RNF145: variants seen among roughly 807,000 people sequenced by gnomAD.
RNF145 encodes the protein ring finger protein 145.
A neutral mutation model predicts 57.3 loss-of-function variants in RNF145; 12 were observed. That is an observed-to-expected ratio of 0.21 (90% CI 0.13 to 0.34). The LOEUF is 0.34. Ranked by LOEUF, RNF145 falls within the 10% of genes least tolerant of loss-of-function variation. The probability of loss-of-function intolerance (pLI) is 1.00; values close to 1 mark genes in which losing one functional copy is unlikely to be tolerated. For missense variants in RNF145, 429 were observed against 799.0 expected, an observed-to-expected ratio of 0.54 and a Z score of 5.58; for synonymous variants, 262 against 288.3, an observed-to-expected ratio of 0.91 and a Z score of 0.92.
chr5:159,199,956 G>A (rs1018436569), intron 2 of RNF145, among the ~76,000 whole-genome samples: 4 of 151,914 alleles, frequency 2.6e-5, no homozygotes, highest in African/African-American at 9.7e-5. Context: ...TAATTTTTAA[G>A]CTCCTTAATT....
intron 1 of RNF145, 143 bp from the exon 2 acceptor site, chr5:159,203,799 T>G: frequency 3.3e-6 from 2 of 608,184 alleles, no homozygotes; most frequent in Non-Finnish European, 5.8e-6. Flanking sequence ...CAACTACTAT[T>G]TTTAGATATT....
intron 3 of RNF145, among the ~76,000 whole-genome samples, chr5:159,185,686 G>C (rs1205337255): frequency 1.3e-5 from 2 of 152,164 alleles, no homozygotes; most frequent in African/African-American, 2.4e-5. Context: ...TTCAAGAGAA[G>C]CATTACAATT....
At chr5:159,196,744 T>C (rs1364148208) in intron 2 of RNF145, among the ~76,000 whole-genome samples, 1 of 152,234 alleles carries the variant, frequency 6.6e-6, no homozygotes, top group East Asian at 1.9e-4. Flanking sequence ...CAAATGACTT[T>C]AGAGGTATTT....
intron 3 of RNF145, among the ~76,000 whole-genome samples, chr5:159,188,902 T>C (rs78505501): frequency 1.8e-3 from 276 of 152,320 alleles, no homozygotes; most frequent in African/African-American, 6.4e-3. Context: ...TATTTGCAAA[T>C]GTCTTTTTCT....
intron 6 of RNF145, among the ~76,000 whole-genome samples, chr5:159,173,721 A>G (rs1289517018): frequency 6.6e-6 from 1 of 152,172 alleles, no homozygotes; most frequent in Non-Finnish European, 1.5e-5. Context: ...AATTGAAAAA[A>G]TACTTTTACG....
intron 3 of RNF145, among the ~76,000 whole-genome samples, chr5:159,187,347 TGA>T (rs1358122590): frequency 6.6e-6 from 1 of 151,834 alleles, no homozygotes; most frequent in East Asian, 1.9e-4. Flanking sequence ...AATTTTTTTT[TGA>T]GATAGTCTCA....
At chr5:159,164,824 T>A (rs1784340867) in intron 8 of RNF145, among the ~76,000 whole-genome samples, 1 of 152,194 alleles carries the variant, frequency 6.6e-6, no homozygotes, top group Non-Finnish European at 1.5e-5. Context: ...AATAACCAAT[T>A]ATTTCTATGG....
upstream of RNF145, chr5:159,209,856 C>T (rs1356459237): frequency 1.3e-6 from 2 of 1,535,930 alleles, no homozygotes; most frequent in African/African-American, 2.7e-5. Context: ...CACTCACCTG[C>T]AGGGACCACG....
In RNF145 at chr5:159,209,466, C is replaced by G. The variant is rs1457837131; in HGVS notation, c.-275G>C. 1.0e-6 allele frequency: 1 copy of G among 982,284 alleles called. No homozygotes were observed. Among genetic ancestry groups the G allele is most frequent in the Non-Finnish European group, 1.2e-6 (1 of 827,038 alleles). 60.8% of individuals were successfully genotyped at this position (982,284 alleles called of 1,614,324 possible). On this transcript the variant is annotated 5_prime_UTR_variant, in exon 1 of 11. Coordinates refer to ENST00000424310, the MANE Select transcript of RNF145 (RefSeq NM_001199383.2). ...GGTCACCATCGTCCGCGGCAGCAGG[C>G]GCTCGCGGGCCGAGCCCCTTAGCAG...
intron 1 of RNF145, among the ~76,000 whole-genome samples, chr5:159,205,426 A>G (rs186975876): frequency 6.6e-6 from 1 of 152,288 alleles, no homozygotes; most frequent in East Asian, 1.9e-4. Context: ...TGATATTATT[A>G]TTTTTTCTAA....
At chr5:159,189,873 G>T (rs1226127172) in intron 3 of RNF145, among the ~76,000 whole-genome samples, 1 of 152,216 alleles carries the variant, frequency 6.6e-6, no homozygotes, top group Non-Finnish European at 1.5e-5. Flanking sequence ...AAAAAGACAG[G>T]TGATAGACTG....
chr5:159,158,227 G>A lies in RNF145; in HGVS notation c.*443C>T, dbSNP rs939584936. ...GGAGGAGAGGGCTGGTTGCTATTCA[G>A]ACTTGATAATGAGATTGATCTGTCC... On this transcript the variant is annotated 3_prime_UTR_variant, in exon 11 of 11. Coordinates refer to ENST00000424310, the MANE Select transcript of RNF145 (RefSeq NM_001199383.2). 20 of 169,368 alleles carry A rather than the reference G, an allele frequency of 1.2e-4. No homozygotes were observed. The highest frequency in any genetic ancestry group is 1.7e-4 in the Non-Finnish European group (13 of 77,068). 10.5% of individuals were successfully genotyped at this position (169,368 alleles called of 1,614,324 possible).
chr5:159,175,400 A>T (rs1349512388), intron 5 of RNF145, among the ~76,000 whole-genome samples: 1 of 152,158 alleles, frequency 6.6e-6, no homozygotes. Context: ...TAGTTGATGT[A>T]TGAATCTTAT....
intron 2 of RNF145, among the ~76,000 whole-genome samples, chr5:159,198,899 G>A (rs1238411035): frequency 6.6e-6 from 1 of 152,020 alleles, no homozygotes; most frequent in African/African-American, 2.4e-5. Context: ...GGTTACTTGA[G>A]CCCAGGAGTC....
intron 8 of RNF145, among the ~76,000 whole-genome samples, chr5:159,165,715 A>T: frequency 1.4e-5 from 2 of 142,256 alleles, no homozygotes; most frequent in African/African-American, 2.5e-5. Flanking sequence ...AAAAAAAAAA[A>T]AAAAAAAAAA....
At chr5:159,204,813 A>AG (rs1404058816) in intron 1 of RNF145, among the ~76,000 whole-genome samples, 1 of 145,838 alleles carries the variant, frequency 6.9e-6, no homozygotes, top group East Asian at 2.0e-4. Context: ...CAAAAAAAAA[A>AG]AAAAAAAAAA....
intron 3 of RNF145, among the ~76,000 whole-genome samples, chr5:159,194,458 G>A (rs909154277): frequency 6.6e-6 from 1 of 152,144 alleles, no homozygotes; most frequent in Admixed American, 6.5e-5. Flanking sequence ...GAGCCACCAC[G>A]CCCAGCCAGT....
chr5:159,177,586 TA>T (rs1382698717), intron 4 of RNF145, among the ~76,000 whole-genome samples: 1 of 152,084 alleles, frequency 6.6e-6, no homozygotes, highest in African/African-American at 2.4e-5. Context: ...TCCATAATTA[TA>T]AAATGCTTTG....
chr5:159,169,621 C>T (rs1784484904), intron 7 of RNF145, 58 bp downstream of exon 7: 4 of 1,354,232 alleles, frequency 3.0e-6, no homozygotes, highest in East Asian at 2.6e-5. Flanking sequence ...TTCATCATTA[C>T]TTCCTCAAGT....
Sources: allele counts gnomAD v4.1 joint callset (sites outside exome capture counted in the v4.1 genomes callset), GRCh38; gene constraint gnomAD v4.1.1; transcripts MANE v1.5; gene names NCBI Gene and HGNC (gene_info 2026-07-23, HGNC 2026-07-21).